The following ADGRV1 variants were observed in gnomAD, a reference collection of about 807,000 sequenced individuals.
ADGRV1 encodes the protein G-protein coupled receptor 98.
Under a neutral mutation model 596.2 loss-of-function variants are expected in ADGRV1, and 359 were observed. The ratio of observed to expected loss-of-function variants is 0.60; its 90% CI spans 0.55 to 0.66. ADGRV1 has a LOEUF of 0.66. Among genes scored for constraint, ADGRV1 ranks in the 30% least tolerant of loss-of-function variants. ADGRV1 has a pLI of 0.00. For missense variants in ADGRV1, 7,274 were observed against 7,575.6 expected (o/e 0.96, Z 1.48); for synonymous variants, 2,681 against 2,679.2 (o/e 1.00, Z -0.02).
chr5:90,730,070 G>A lies in ADGRV1; in HGVS notation c.10549+306G>A, dbSNP rs139635848. ...TTTAGTAGAGACGGGGTTTCACCGT[G>A]TTAGCCAGGATGGTCTTGATCTCCT... On this transcript the variant is annotated intron_variant, in intron 50 of 89. Coordinates refer to ENST00000405460, the MANE Select transcript of ADGRV1 (RefSeq NM_032119.4). Among the ~76,000 whole-genome samples, 5,072 of 152,226 alleles carry A rather than the reference G, an allele frequency of 0.033. 134 individuals carry two copies. Among genetic ancestry groups the A allele is most frequent in the South Asian group, 0.13 (618 of 4,826 alleles).
intron 6 of ADGRV1, chr5:90,625,774 G>A (rs1305870784): frequency 1.3e-5 from 2 of 152,268 alleles, no homozygotes; most frequent in African/African-American, 4.8e-5. Flanking sequence ...CTAATTTTTT[G>A]TATTTTTAAT....
chr5:90,937,200 T>C (rs1043401533), intron 83 of ADGRV1, among the ~76,000 whole-genome samples: 9 of 152,220 alleles, frequency 5.9e-5, no homozygotes, highest in Non-Finnish European at 1.2e-4. Context: ...TAATGACTTA[T>C]GTATTTCTTT....
At chr5:90,702,618 C>T (rs1434872092) in intron 34 of ADGRV1, among the ~76,000 whole-genome samples, 2 of 151,812 alleles carry the variant, frequency 1.3e-5, no homozygotes, top group Non-Finnish European at 3.0e-5. Context: ...TTAAAAAATA[C>T]TTGAAAATAG....
At chr5:90,897,574 T>C (rs1404165311) in intron 83 of ADGRV1, among the ~76,000 whole-genome samples, 5 of 152,144 alleles carry the variant, frequency 3.3e-5, no homozygotes, top group African/African-American at 1.2e-4. Context: ...TTTTCTCCTT[T>C]TTGTGCCCCC....
chr5:91,133,214 A>G (rs1465455501), intron 87 of ADGRV1, among the ~76,000 whole-genome samples: 1 of 152,244 alleles, frequency 6.6e-6, no homozygotes, highest in Admixed American at 6.5e-5. Flanking sequence ...CATATTAGCA[A>G]TGTACTTGAA....
chr5:90,933,134 T>C (rs1775399617), intron 83 of ADGRV1, among the ~76,000 whole-genome samples: 1 of 152,230 alleles, frequency 6.6e-6, no homozygotes, highest in Admixed American at 6.5e-5. Flanking sequence ...CATTCACTTA[T>C]TGAGTGTCTG....
chr5:90,897,903 A>T (rs1184788553), intron 83 of ADGRV1, among the ~76,000 whole-genome samples: 1 of 152,174 alleles, frequency 6.6e-6, no homozygotes, highest in Non-Finnish European at 1.5e-5. Context: ...TAGCAGATGG[A>T]TGAGGTTTAG....
In ADGRV1 at chr5:90,692,633, CT is replaced by C. The variant is rs1475526220; in HGVS notation, c.6981del (p.Gly2328ValfsTer7). 6.2e-7 allele frequency: 1 copy of C among 1,610,514 alleles called. No homozygotes were observed. Among genetic ancestry groups the C allele is most frequent in the Non-Finnish European group, 8.5e-7 (1 of 1,178,464 alleles). On this transcript the variant is annotated frameshift_variant, in exon 32 of 90. Transcript: ENST00000405460. LOFTEE classifies it high-confidence loss of function. ...EVIQVQLTDA[S>X]GGGTIGLDRI... ...ATCCAAGTGCAACTAACTGATGCCT[CT>C]GGTGGAGGTACTATTGGGTTAGATC... is the stretch of plus-strand genomic sequence containing the variant.
chr5:91,022,743 C>T (rs976860385), intron 85 of ADGRV1, among the ~76,000 whole-genome samples: 1 of 151,992 alleles, frequency 6.6e-6, no homozygotes, highest in African/African-American at 2.4e-5. Flanking sequence ...CATTCATGAA[C>T]AACTAAAATT....
Position 90,674,085 on chromosome 5 carries a change from T to C in ADGRV1, c.4961T>C (p.Ile1654Thr), listed in dbSNP as rs1346586858. 5.6e-6 allele frequency: 9 copies of C among 1,612,906 alleles called. No individual in the cohort carries two copies. The highest frequency in any genetic ancestry group is 7.6e-6 in the Non-Finnish European group (9 of 1,179,020). ...VLNIYVLDDD[I>T]PELNEYFRVT... ...AATATATATGTTCTTGATGATGATA[T>C]TCCTGAACTTAATGAGTATTTCCGT... The change falls in exon 23 of 90, where the codon ATT (isoleucine) becomes ACT (threonine). Residue 1654 changes from isoleucine to threonine, a missense_variant. Coordinates refer to ENST00000405460, the MANE Select transcript of ADGRV1 (RefSeq NM_032119.4).
chr5:90,828,767 T>C (rs1412206122), intron 76 of ADGRV1, among the ~76,000 whole-genome samples, 177 bp from the exon 77 acceptor site: 2 of 152,134 alleles, frequency 1.3e-5, no homozygotes, highest in Non-Finnish European at 2.9e-5. Context: ...AGACCAAAAA[T>C]AAATGTCATG....
chr5:90,754,543 C>G (rs1755622789), intron 54 of ADGRV1, among the ~76,000 whole-genome samples: 1 of 152,166 alleles, frequency 6.6e-6, no homozygotes, highest in Non-Finnish European at 1.5e-5. Flanking sequence ...ATAGGCACGT[C>G]ACTGTAAGAA....
At chr5:90,571,893 T>C (rs1229544208) in intron 1 of ADGRV1, among the ~76,000 whole-genome samples, 4 of 152,194 alleles carry the variant, frequency 2.6e-5, no homozygotes, top group Non-Finnish European at 5.9e-5. Flanking sequence ...TGTATTTCTT[T>C]AATAAATGCT....
intron 41 of ADGRV1, 145 bp from the exon 42 acceptor site, chr5:90,712,142 T>A (rs1749444364): frequency 1.9e-6 from 1 of 514,678 alleles, no homozygotes; most frequent in Non-Finnish European, 3.3e-6. Context: ...TAAAAAGATA[T>A]AAACCAAAAT....
chr5:91,120,150 C>G (rs1793181244), intron 87 of ADGRV1, among the ~76,000 whole-genome samples: 1 of 152,158 alleles, frequency 6.6e-6, no homozygotes, highest in African/African-American at 2.4e-5. Flanking sequence ...TGGAAGCAGA[C>G]TCGCCTGGAG....
intron 83 of ADGRV1, among the ~76,000 whole-genome samples, chr5:90,916,794 G>A (rs950747327): frequency 6.7e-5 from 8 of 119,310 alleles, no homozygotes; most frequent in East Asian, 6.8e-4. Context: ...CACTACGCCC[G>A]GCTAATTTTT....
At chr5:91,063,087 A>G (rs1787590178) in intron 85 of ADGRV1, among the ~76,000 whole-genome samples, 1 of 150,720 alleles carries the variant, frequency 6.6e-6, no homozygotes, top group African/African-American at 2.4e-5. Flanking sequence ...CCCTCCGAGA[A>G]ACTGGGAACA....
intron 87 of ADGRV1, among the ~76,000 whole-genome samples, chr5:91,130,311 C>A (rs1246237897): frequency 1.3e-5 from 2 of 150,758 alleles, no homozygotes; most frequent in African/African-American, 4.9e-5. Context: ...GTGGGTGGAT[C>A]ACTTGAGGTC....
At chr5:90,964,341 T>C (rs562290188) in intron 83 of ADGRV1, among the ~76,000 whole-genome samples, 12 of 152,310 alleles carry the variant, frequency 7.9e-5, no homozygotes, top group Non-Finnish European at 1.3e-4. Context: ...ATTCATTCTT[T>C]TAATAAACGC....
Sources: allele counts gnomAD v4.1 joint callset (sites outside exome capture counted in the v4.1 genomes callset), GRCh38; gene constraint gnomAD v4.1.1; transcripts MANE v1.5; gene names NCBI Gene and HGNC (gene_info 2026-07-23, HGNC 2026-07-21).